The following MDGA2 variants were observed in gnomAD, a reference collection of about 807,000 sequenced individuals.
MDGA2 encodes MAM domain-containing glycosylphosphatidylinositol anchor protein 2.
MDGA2 carries 40 observed loss-of-function variants against 117.8 expected under a neutral mutation model. The observed-to-expected ratio is 0.34, with a 90% CI of 0.26 to 0.44. The LOEUF is 0.44. Ranked by LOEUF, MDGA2 falls within the 20% of genes least tolerant of loss-of-function variation. The pLI is 1.00. For synonymous variants in MDGA2, 452 were observed against 439.0 expected (o/e 1.03, Z -0.37); for missense variants, 1,123 against 1,250.6 (o/e 0.90, Z 1.54).
chr14:46,990,472 G>A (rs1566562551), intron 8 of MDGA2, among the ~76,000 whole-genome samples: 2 of 151,676 alleles, frequency 1.3e-5, no homozygotes, highest in Non-Finnish European at 2.9e-5. Context: ...TCTTTAACAA[G>A]AAAAAAATGT....
intron 4 of MDGA2, among the ~76,000 whole-genome samples, chr14:47,141,791 T>C (rs959687017): frequency 6.6e-6 from 1 of 152,208 alleles, no homozygotes; most frequent in Non-Finnish European, 1.5e-5. Context: ...GAATAAATTC[T>C]AGTGTTCTAT....
At chr14:47,614,473 C>A (rs896425925) in intron 1 of MDGA2, among the ~76,000 whole-genome samples, 2 of 152,160 alleles carry the variant, frequency 1.3e-5, no homozygotes, top group African/African-American at 4.8e-5. Context: ...CTCTTACACC[C>A]AATACTGGCC....
chr14:46,980,693 A>G (rs1886637558), intron 8 of MDGA2, among the ~76,000 whole-genome samples: 3 of 152,176 alleles, frequency 2.0e-5, no homozygotes, highest in South Asian at 4.1e-4. Flanking sequence ...CACCGCATTG[A>G]GTCAGCAGCC....
rs369021669 is a variant in MDGA2, at chr14:46,929,895, T to C, written c.2090-9735A>G. Among the ~76,000 whole-genome samples, 172 of 150,650 alleles carry C rather than the reference T, an allele frequency of 1.1e-3. 1 individual carries two copies. The highest frequency in any genetic ancestry group is 4.0e-3 in the African/African-American group (165 of 41,036). On this transcript the variant is annotated intron_variant, in intron 9 of 16. Transcript: ENST00000399232. Reference sequence around the variant, plus strand: ...CAGGTGATCCACCTTCCTCAGCCTCTCAAAGTGTGGGATTACAAGCATGAG... The same window carrying C: ...CAGGTGATCCACCTTCCTCAGCCTCCCAAAGTGTGGGATTACAAGCATGAG...
chr14:47,097,593 G>A (rs981789772), intron 5 of MDGA2, among the ~76,000 whole-genome samples: 3 of 151,962 alleles, frequency 2.0e-5, no homozygotes, highest in Admixed American at 1.3e-4. Context: ...ATACAACCAA[G>A]TGACAGATAA....
At chr14:46,948,126 CTTTTT>C (rs1211922294) in intron 9 of MDGA2, among the ~76,000 whole-genome samples, 1 of 151,866 alleles carries the variant, frequency 6.6e-6, no homozygotes, top group Non-Finnish European at 1.5e-5. Context: ...CTGCAATGCT[CTTTTT>C]TCTTCATCAT....
chr14:47,444,121 C>T (rs1292294221), intron 1 of MDGA2: 1 of 203,032 alleles, frequency 4.9e-6, no homozygotes, highest in Non-Finnish European at 1.1e-5. Flanking sequence ...AAAATAATCC[C>T]CAGGATTTTC....
intron 1 of MDGA2, among the ~76,000 whole-genome samples, chr14:47,500,100 T>G (rs1476834289): frequency 1.3e-5 from 2 of 152,320 alleles, no homozygotes; most frequent in Non-Finnish European, 1.5e-5. Flanking sequence ...CTTGAAAACA[T>G]GTATAATCCC....
At chr14:46,871,881 C>A in intron 14 of MDGA2, 1 of 384,772 alleles carries the variant, frequency 2.6e-6, no homozygotes. Flanking sequence ...GGCACAATGA[C>A]TCATGCCTGT....
chr14:47,124,695 C>T (rs1031282222), intron 5 of MDGA2, among the ~76,000 whole-genome samples: 3 of 151,898 alleles, frequency 2.0e-5, no homozygotes, highest in African/African-American at 7.3e-5. Flanking sequence ...AAATGAGGTC[C>T]TAAGGATGAG....
intron 8 of MDGA2, among the ~76,000 whole-genome samples, chr14:46,978,512 C>T (rs1886551576): frequency 6.6e-6 from 1 of 151,946 alleles, no homozygotes; most frequent in Non-Finnish European, 1.5e-5. Flanking sequence ...TCAAAATAGT[C>T]AACAACTATA....
At chr14:46,877,570 C>T in intron 11 of MDGA2, 61 bp from the exon 12 acceptor site, 1 of 1,226,014 alleles carries the variant, frequency 8.2e-7, no homozygotes. Flanking sequence ...GCTTGAATGT[C>T]TTTTATAAAT....
chr14:47,285,426 A>G (rs562258246), intron 2 of MDGA2, among the ~76,000 whole-genome samples: 8 of 152,328 alleles, frequency 5.3e-5, no homozygotes, highest in African/African-American at 1.9e-4. Context: ...GCAATAAATC[A>G]TAAGCAGTAA....
At chr14:47,059,118 G>A in intron 7 of MDGA2, 4 of 1,020,282 alleles carry the variant, frequency 3.9e-6, no homozygotes, top group Non-Finnish European at 4.9e-6. Flanking sequence ...AGAGACAATG[G>A]GAGGGGAGAA....
At chr14:46,851,906 T>TAA (rs1555328867) in intron 15 of MDGA2, among the ~76,000 whole-genome samples, 50 of 140,040 alleles carry the variant, frequency 3.6e-4, no homozygotes, top group Admixed American at 7.8e-4. Context: ...GATTTTTGGG[T>TAA]AAAAAAAAAA....
At chr14:47,421,369 C>G (rs903208480) in intron 1 of MDGA2, among the ~76,000 whole-genome samples, 2 of 152,252 alleles carry the variant, frequency 1.3e-5, no homozygotes, top group Admixed American at 1.3e-4. Context: ...CCTTCTTTGG[C>G]TGGCATCACA....
chr14:47,377,815 A>G (rs886075410), intron 1 of MDGA2, among the ~76,000 whole-genome samples: 3 of 152,058 alleles, frequency 2.0e-5, no homozygotes, highest in African/African-American at 7.2e-5. Flanking sequence ...AAGGCAGCAG[A>G]AACTTCAGAC....
At chr14:47,457,413 C>T (rs746925241) in intron 1 of MDGA2, among the ~76,000 whole-genome samples, 42 of 152,188 alleles carry the variant, frequency 2.8e-4, no homozygotes, top group East Asian at 1.2e-3. Flanking sequence ...CATTACCCTT[C>T]GTAAATTAAA....
chr14:47,278,372 T>C (rs1888373388), intron 2 of MDGA2, among the ~76,000 whole-genome samples: 1 of 146,844 alleles, frequency 6.8e-6, no homozygotes, highest in African/African-American at 2.5e-5. Context: ...AGTGATCAGA[T>C]CAGGGTCATG....
Sources: gnomAD v4.1 joint callset for allele counts (sites outside exome capture counted in the v4.1 genomes callset) on GRCh38, gnomAD v4.1.1 for gene constraint, MANE v1.5 for transcripts, NCBI Gene and HGNC (gene_info 2026-07-23, HGNC 2026-07-21) for gene names.